Variants in THSD7B observed in about 807,000 individuals in gnomAD.
The protein encoded by THSD7B is thrombospondin type 1 domain containing 7B.
THSD7B carries 138 observed loss-of-function variants against 213.6 expected under a neutral mutation model. The ratio of observed to expected loss-of-function variants is 0.65; its 90% CI spans 0.56 to 0.74. The LOEUF is 0.74. Ranked by LOEUF, THSD7B falls within the 30% of genes least tolerant of loss-of-function variation. THSD7B has a pLI of 0.00. For missense variants in THSD7B, 1,931 were observed against 1,991.5 expected (o/e 0.97, Z 0.58); for synonymous variants, 742 against 687.0 (o/e 1.08, Z -1.25).
chr2:137,330,581 C>T (rs909226446), intron 12 of THSD7B, among the ~76,000 whole-genome samples: 1 of 151,860 alleles, frequency 6.6e-6, no homozygotes, highest in African/African-American at 2.4e-5. Context: ...AGCTGCAGAC[C>T]TTCGCAGTGA....
chr2:137,533,104 G>A (rs758719063), intron 15 of THSD7B, among the ~76,000 whole-genome samples: 2 of 151,346 alleles, frequency 1.3e-5, no homozygotes, highest in Non-Finnish European at 3.0e-5. Context: ...TAACAATGTA[G>A]CTTAGAAATA....
intron 2 of THSD7B, among the ~76,000 whole-genome samples, chr2:136,999,462 C>G (rs192645692): frequency 8.4e-5 from 12 of 143,280 alleles, no homozygotes; most frequent in Middle Eastern, 3.7e-3. Context: ...AATTAGGTAT[C>G]TTGTTTTTTT....
At chr2:137,582,781 A>C (rs1681610426) in intron 17 of THSD7B, among the ~76,000 whole-genome samples, 1 of 152,098 alleles carries the variant, frequency 6.6e-6, no homozygotes, top group Admixed American at 6.5e-5. Flanking sequence ...GCTCTTGTGA[A>C]TACTGCCGCA....
At chr2:137,245,976 T>C (rs1573909430) in intron 10 of THSD7B, among the ~76,000 whole-genome samples, 1 of 152,134 alleles carries the variant, frequency 6.6e-6, no homozygotes, top group African/African-American at 2.4e-5. Context: ...AGGTGATACA[T>C]ATATGTTGGG....
At position 137,405,640 on chromosome 2, in the gene THSD7B, G is replaced by A. The variant is rs916519617; in HGVS notation, c.2528G>A (p.Arg843Gln). 5 of 1,608,676 alleles carry A rather than the reference G, an allele frequency of 3.1e-6. No homozygotes were observed. The highest frequency in any genetic ancestry group is 3.4e-5 in the Admixed American group (2 of 59,244). ...GTCTCATGCATCTCTGATGACAACC[G>A]GTCAGCAGAAATGATGGAATGCCTC... ...RAVSCISDDN[R>Q]SAEMMECLKQ... The change falls in exon 13 of 28, where the codon CGG becomes CAG. Residue 843 changes from arginine to glutamine, a missense_variant. Physicochemically the swap from Arg to Gln is conservative, Grantham distance 43. Coordinates refer to ENST00000409968, the MANE Select transcript of THSD7B (RefSeq NM_001316349.2).
chr2:137,232,869 T>C, intron 8 of THSD7B, 30 bp from the exon 9 acceptor site: 1 of 1,600,696 alleles, frequency 6.2e-7, no homozygotes. Flanking sequence ...GCAACCACTA[T>C]GTATTACCTT....
At chr2:137,111,708 A>G (rs1426642475) in intron 4 of THSD7B, among the ~76,000 whole-genome samples, 1 of 152,184 alleles carries the variant, frequency 6.6e-6, no homozygotes, top group East Asian at 1.9e-4. Flanking sequence ...CAAACAAATT[A>G]ATGCCTTGTT....
intron 15 of THSD7B, among the ~76,000 whole-genome samples, chr2:137,557,302 C>A (rs1680995735): frequency 6.6e-6 from 1 of 152,160 alleles, no homozygotes; most frequent in Admixed American, 6.5e-5. Context: ...GTGAAGCACT[C>A]CTCAGCAAAT....
chr2:137,284,741 TTGATTGCACTG>T (rs201163752), intron 12 of THSD7B, among the ~76,000 whole-genome samples: 1 of 152,294 alleles, frequency 6.6e-6, no homozygotes, highest in East Asian at 1.9e-4. Flanking sequence ...GAGTTCTAAT[TTGATTGCACTG>T]TGGTCTGAGA....
At chr2:137,573,439 T>C (rs1681398377) in intron 17 of THSD7B, among the ~76,000 whole-genome samples, 1 of 152,078 alleles carries the variant, frequency 6.6e-6, no homozygotes, top group Non-Finnish European at 1.5e-5. Context: ...TATTAAATAT[T>C]GAGCCCTTAT....
intron 5 of THSD7B, among the ~76,000 whole-genome samples, chr2:137,115,512 T>G (rs1282888236): frequency 4.6e-5 from 7 of 152,144 alleles, no homozygotes. Context: ...AGAGTCACTG[T>G]GAAAGTTAAA....
intron 12 of THSD7B, among the ~76,000 whole-genome samples, chr2:137,294,110 T>C (rs1313443829): frequency 6.6e-6 from 1 of 152,146 alleles, no homozygotes; most frequent in Non-Finnish European, 1.5e-5. Context: ...CCTTCTTTCA[T>C]TCTTTTTAAG....
chr2:137,131,926 A>G (rs374643497), intron 5 of THSD7B, among the ~76,000 whole-genome samples: 8 of 151,856 alleles, frequency 5.3e-5, no homozygotes, highest in Non-Finnish European at 7.4e-5. Context: ...GAAAGTCATT[A>G]GTAGCTTGAT....
chr2:137,393,160 A>ATTTTTTTT (rs577043200), intron 12 of THSD7B, among the ~76,000 whole-genome samples: 1 of 141,446 alleles, frequency 7.1e-6, no homozygotes, highest in Non-Finnish European at 1.5e-5. Context: ...TTTTTTTTTA[A>ATTTTTTTT]TTTTTTTTTT....
intron 14 of THSD7B, among the ~76,000 whole-genome samples, chr2:137,418,758 C>T (rs538690580): frequency 6.6e-6 from 1 of 152,118 alleles, no homozygotes; most frequent in South Asian, 2.1e-4. Flanking sequence ...CCTTTTATAG[C>T]TCCCACATAT....
At chr2:136,800,232 TAC>T in intron 1 of THSD7B, among the ~76,000 whole-genome samples, 1 of 152,178 alleles carries the variant, frequency 6.6e-6, no homozygotes, top group African/African-American at 2.4e-5. Context: ...CCAAATTTTG[TAC>T]AGTCATTATA....
intron 1 of THSD7B, among the ~76,000 whole-genome samples, chr2:136,790,117 G>C (rs1573639161): frequency 7.1e-6 from 1 of 141,138 alleles, no homozygotes; most frequent in Non-Finnish European, 1.6e-5. Flanking sequence ...TTGTGTGTGT[G>C]TTTGTGTGTG....
At chr2:137,566,483 T>C (rs549209029) in intron 16 of THSD7B, among the ~76,000 whole-genome samples, 1 of 152,302 alleles carries the variant, frequency 6.6e-6, no homozygotes, top group South Asian at 2.1e-4. Context: ...AATAAGGTGG[T>C]GCTGAGAGAC....
chr2:137,618,348 G>T (rs772635091), intron 18 of THSD7B, 44 bp from the exon 19 acceptor site: 1 of 1,525,896 alleles, frequency 6.6e-7, no homozygotes. Context: ...TTGCTCACAT[G>T]GCCATAATTT....
Sources: allele counts gnomAD v4.1 joint callset (sites outside exome capture counted in the v4.1 genomes callset), GRCh38; gene constraint gnomAD v4.1.1; transcripts MANE v1.5; gene names NCBI Gene and HGNC (gene_info 2026-07-23, HGNC 2026-07-21).